RBP3: variants seen among roughly 807,000 people sequenced by gnomAD.
RBP3 encodes the protein retinol-binding protein 3.
RBP3 carries 50 observed loss-of-function variants against 64.8 expected under a neutral mutation model. The observed-to-expected ratio is 0.77, with a 90% CI of 0.61 to 0.98. RBP3 has a LOEUF of 0.98. Ranked by LOEUF, RBP3 falls within the 50% of genes least tolerant of loss-of-function variation. The pLI, the probability that RBP3 is intolerant of heterozygous loss-of-function variation, is 0.00. For synonymous variants in RBP3, 828 were observed against 730.2 expected (o/e 1.13, Z -2.16); for missense variants, 1,712 against 1,660.5 (o/e 1.03, Z -0.54).
chr10:47,355,560 G>A (rs1555211931), intron 3 of RBP3, 42 bp downstream of exon 3: 4 of 1,613,750 alleles, frequency 2.5e-6, no homozygotes, highest in East Asian at 2.2e-5. Flanking sequence ...CATTCTAGAA[G>A]CTTCTGGGAA....
chr10:47,350,149 T>C lies in RBP3; in HGVS notation c.1665T>C (p.Leu555=), dbSNP rs1555211274. ...CGGCCGCGGAGGAGTTCGCCTTCCT[T>C]ATGCAGTCGCTGGGCTGGGCCACAC... ...TATAAEEFAF[L]MQSLGWATLV... is the part of the protein sequence containing the mutation. The change falls in exon 1 of 4, where the codon CTT becomes CTC. Residue 555 remains leucine (L), a synonymous_variant. Transcript: ENST00000584701. 2.5e-6 allele frequency: 4 copies of C among 1,612,770 alleles called. No homozygotes were observed. In the South Asian group the frequency reaches 4.4e-5, roughly 18 times the overall value.
Position 47,350,348 on chromosome 10 carries a change from G to A in RBP3, c.1864G>A (p.Ala622Thr), listed in dbSNP as rs1565765941. 6.2e-7 allele frequency: 1 copy of A among 1,612,194 alleles called. No homozygotes were observed. Among genetic ancestry groups the A allele is most frequent in the Admixed American group, 1.7e-5 (1 of 60,026 alleles). The change falls in exon 1 of 4, where the codon GCC becomes ACC. Residue 622 changes from alanine to threonine, a missense_variant. Physicochemically the swap from Ala to Thr is moderately conservative, Grantham distance 58. Coordinates refer to ENST00000584701, the MANE Select transcript of RBP3 (RefSeq NM_002900.3). ...CGATGCCATCGTGCTGGCCGAGGAGGCCCTGGACAAAGCCCAGGAAGTGCT... is the reference window on the plus strand; with the variant it reads ...CGATGCCATCGTGCTGGCCGAGGAGACCCTGGACAAAGCCCAGGAAGTGCT... ...VPDAIVLAEE[A>T]LDKAQEVLEF...
At position 47,349,117 on chromosome 10, in the gene RBP3, G is replaced by T. The variant is rs1555210985; in HGVS notation, c.633G>T (p.Trp211Cys). 6.2e-7 allele frequency: 1 copy of T among 1,614,052 alleles called. No homozygotes were observed. Among genetic ancestry groups the T allele is most frequent in the Admixed American group, 1.7e-5 (1 of 60,034 alleles). Residue 211 changes from tryptophan (W) to cysteine (C), a missense_variant, in exon 1 of 4, where the codon TGG becomes TGT. Transcript: ENST00000584701. ...CCTCCAACACCACCACGGAGATCTG[G>T]ACCTTGCCCCAGGTCCTGGGAGAAA... ...NRPSNTTTEI[W>C]TLPQVLGERY...
chr10:47,349,222 T>C lies in RBP3; in HGVS notation c.738T>C (p.Leu246=). Residue 246 remains leucine, a synonymous_variant, in exon 1 of 4, where the codon CTT becomes CTC. Coordinates refer to ENST00000584701, the MANE Select transcript of RBP3 (RefSeq NM_002900.3). ...TGGCCGAGGACATCGCGCACATCCT[T>C]AAGCAGATGCGCAGGGCCATCGTGG... The part of the protein sequence containing the change: ...RGVAEDIAHI[L]KQMRRAIVVG... 6.2e-7 allele frequency: 1 copy of C among 1,613,424 alleles called. No individual in the cohort carries two copies. Among genetic ancestry groups the C allele is most frequent in the Non-Finnish European group, 8.5e-7 (1 of 1,180,012 alleles).
chr10:47,349,148 G>C lies in RBP3; in HGVS notation c.664G>C (p.Gly222Arg). 1 of 1,613,946 alleles carries C rather than the reference G, an allele frequency of 6.2e-7. No individual in the cohort carries two copies. Among genetic ancestry groups the C allele is most frequent in the Non-Finnish European group, 8.5e-7 (1 of 1,180,034 alleles). Reference sequence around the variant, plus strand: ...GCCCCAGGTCCTGGGAGAAAGGTACGGTGCCGACAAGGATGTGGTGGTCCT... The same window carrying C: ...GCCCCAGGTCCTGGGAGAAAGGTACCGTGCCGACAAGGATGTGGTGGTCCT... ...TLPQVLGERY[G>R]ADKDVVVLTS... Residue 222 changes from glycine (G) to arginine (R), a missense_variant, in exon 1 of 4, where the codon GGT becomes CGT. Transcript: ENST00000584701.
rs139452142 is a variant in RBP3, at chr10:47,350,260, C to T, written c.1776C>T (p.Thr592=). Residue 592 remains threonine (T), a synonymous_variant, in exon 1 of 4, where the codon ACC becomes ACT. Coordinates refer to ENST00000584701, the MANE Select transcript of RBP3 (RefSeq NM_002900.3). ...LDTPEGSLAL[T]VPVLTFIDNH... is the part of the protein sequence containing the mutation. The stretch of plus-strand genomic sequence containing the variant: ...CACCCGAAGGCAGCCTCGCGCTCAC[C>T]GTGCCGGTCCTCACCTTCATCGACA... The T allele has an allele frequency of 1.4e-5, 22 of 1,607,324 alleles. 1 individual carries two copies. The Middle Eastern group carries it at 4.9e-4, about 36-fold the overall frequency.
intron 1 of RBP3, among the ~76,000 whole-genome samples, chr10:47,352,109 A>G (rs1555211649): frequency 1.3e-5 from 2 of 152,094 alleles, no homozygotes; most frequent in Non-Finnish European, 1.5e-5. Context: ...ATCCCTTGCA[A>G]GGAGGGTCTG....
intron 3 of RBP3, among the ~76,000 whole-genome samples, chr10:47,356,644 G>A (rs186714055): frequency 2.6e-5 from 4 of 152,324 alleles, no homozygotes; most frequent in Admixed American, 6.5e-5. Context: ...TGGCTACTAG[G>A]GAACCTAAAA....
At position 47,353,310 on chromosome 10, in the gene RBP3, C is replaced by A. The variant is rs1555211777; in HGVS notation, c.3055-15C>A. ...TGCTCCTCCTGACACTGAGTAGGAC[C>A]TCCAACTCTTACAGATCCCTTCCCC... is the stretch of plus-strand genomic sequence containing the variant. On this transcript the variant is annotated splice_polypyrimidine_tract_variant and intron_variant, in intron 1 of 3. Coordinates refer to ENST00000584701, the MANE Select transcript of RBP3 (RefSeq NM_002900.3). The A allele has an allele frequency of 6.2e-7, 1 of 1,613,072 alleles. No homozygotes were observed. Among genetic ancestry groups the A allele is most frequent in the Admixed American group, 1.7e-5 (1 of 60,020 alleles).
chr10:47,349,838 G>T lies in RBP3; in HGVS notation c.1354G>T (p.Val452Phe). 1 of 1,613,160 alleles carries T rather than the reference G, an allele frequency of 6.2e-7. No homozygotes were observed. Among genetic ancestry groups the T allele is most frequent in the Middle Eastern group, 1.6e-4 (1 of 6,062 alleles). ...LRFDSFADAS[V>F]LGVLAPYVLR... ...CTTCGATAGTTTTGCTGACGCCTCC[G>T]TCCTGGGTGTGTTGGCCCCATATGT... Residue 452 changes from valine to phenylalanine, a missense_variant, in exon 1 of 4, where the codon GTC (valine) becomes TTC (phenylalanine). By Grantham distance (50) the Val-to-Phe change is conservative (BLOSUM62 -1). Coordinates refer to ENST00000584701, the MANE Select transcript of RBP3 (RefSeq NM_002900.3).
Position 47,349,646 on chromosome 10 carries a change from C to T in RBP3, c.1162C>T (p.Arg388Ter), listed in dbSNP as rs782245537. Residue 388 changes from arginine to a stop codon, truncating the protein, a stop_gained, in exon 1 of 4, where the codon CGA becomes TGA. Coordinates refer to ENST00000584701, the MANE Select transcript of RBP3 (RefSeq NM_002900.3). LOFTEE classifies it high-confidence loss of function. ...AASEDPRLLV[R>*]AIGPTETPSW... is the part of the protein sequence containing the mutation. Reference sequence around the variant, plus strand: ...GTCTGAGGATCCCAGGCTCCTGGTGCGAGCCATCGGGCCCACAGAAACTCC... The same window carrying T: ...GTCTGAGGATCCCAGGCTCCTGGTGTGAGCCATCGGGCCCACAGAAACTCC... 9 of 1,612,296 alleles carry T rather than the reference C, an allele frequency of 5.6e-6. No homozygotes were observed. Among genetic ancestry groups the T allele is most frequent in the Non-Finnish European group, 3.4e-6 (4 of 1,180,016 alleles).
In RBP3 at chr10:47,349,646, C is replaced by G; in HGVS notation, c.1162C>G (p.Arg388Gly). 1 of 1,612,296 alleles carries G rather than the reference C, an allele frequency of 6.2e-7. No individual in the cohort carries two copies. The highest frequency in any genetic ancestry group is 8.5e-7 in the Non-Finnish European group (1 of 1,180,016). Residue 388 changes from arginine (R) to glycine (G), a missense_variant, in exon 1 of 4, where the codon CGA becomes GGA. Transcript: ENST00000584701. ...AASEDPRLLVRAIGPTETPSW... is the reference protein window; with the variant it reads ...AASEDPRLLVGAIGPTETPSW... ...GTCTGAGGATCCCAGGCTCCTGGTG[C>G]GAGCCATCGGGCCCACAGAAACTCC...
chr10:47,355,578 A>C, intron 3 of RBP3, 60 bp downstream of exon 3: 1 of 1,611,188 alleles, frequency 6.2e-7, no homozygotes, highest in Non-Finnish European at 8.5e-7. Flanking sequence ...GAAACCAGGG[A>C]AAGACAGCTT....
At position 47,350,160 on chromosome 10, in the gene RBP3, T is replaced by A. The variant is rs1555211284; in HGVS notation, c.1676T>A (p.Leu559Gln). The stretch of plus-strand genomic sequence containing the variant: ...GAGTTCGCCTTCCTTATGCAGTCGC[T>A]GGGCTGGGCCACACTGGTAGGTGAG... The part of the protein sequence containing the change: ...AEEFAFLMQS[L>Q]GWATLVGEIT... The change falls in exon 1 of 4, where the codon CTG becomes CAG. Residue 559 changes from leucine (L) to glutamine (Q), a missense_variant. By Grantham distance (113) the Leu-to-Gln change is moderately radical (BLOSUM62 -2). Coordinates refer to ENST00000584701, the MANE Select transcript of RBP3 (RefSeq NM_002900.3). 1 of 1,612,584 alleles carries A rather than the reference T, an allele frequency of 6.2e-7. No homozygotes were observed. Among genetic ancestry groups the A allele is most frequent in the South Asian group, 1.1e-5 (1 of 91,088 alleles).
Position 47,349,548 on chromosome 10 carries a change from C to A in RBP3, c.1064C>A (p.Ala355Asp), listed in dbSNP as rs782025482. The A allele has an allele frequency of 2.1e-5, 34 of 1,612,886 alleles. No individual in the cohort carries two copies. The highest frequency in any genetic ancestry group is 2.7e-5 in the African/African-American group (2 of 74,920). Residue 355 changes from alanine to aspartate, a missense_variant, in exon 1 of 4, where the codon GCC becomes GAC. Ala to Asp is a moderately radical substitution (Grantham distance 126). Transcript: ENST00000584701. ...DRVPTLLQHL[A>D]SMDFSTVVSE... Reference sequence around the variant, plus strand: ...GTGCCCACCCTGCTGCAGCACTTGGCCAGCATGGACTTCTCCACGGTGGTC... The same window carrying A: ...GTGCCCACCCTGCTGCAGCACTTGGACAGCATGGACTTCTCCACGGTGGTC...
Position 47,348,929 on chromosome 10 carries a change from G to T in RBP3, c.445G>T (p.Glu149Ter), listed in dbSNP as rs782463303. ...CCAGGAGGTGCTGAGCATGATGGGG[G>T]AGTTCCTGGTGGCCCACGTGTGGGG... Reference protein sequence around the residue: ...PGQEVLSMMGEFLVAHVWGNL... With the variant: ...PGQEVLSMMG The change falls in exon 1 of 4, where the codon GAG (glutamate) becomes TAG (stop). Residue 149 changes from glutamate (E) to a stop codon, truncating the protein, a stop_gained. Transcript: ENST00000584701. LOFTEE classifies it high-confidence loss of function. 6.2e-7 allele frequency: 1 copy of T among 1,613,864 alleles called. No individual in the cohort carries two copies. Among genetic ancestry groups the T allele is most frequent in the East Asian group, 2.2e-5 (1 of 44,864 alleles).
At position 47,351,313 on chromosome 10, in the gene RBP3, G is replaced by A. The variant is rs782218267; in HGVS notation, c.2829G>A (p.Thr943=). 2.0e-5 allele frequency: 32 copies of A among 1,613,420 alleles called. No homozygotes were observed. The highest frequency in any genetic ancestry group is 2.7e-5 in the African/African-American group (2 of 74,956). The change falls in exon 1 of 4, where the codon ACG becomes ACA. Residue 943 remains threonine (T), a synonymous_variant. Coordinates refer to ENST00000584701, the MANE Select transcript of RBP3 (RefSeq NM_002900.3). ...LRAKVPTVLQ[T]AGKLVADNYA... ...CCAAGGTGCCCACGGTGCTGCAGAC[G>A]GCCGGGAAGCTGGTGGCTGATAACT...
At position 47,356,255 on chromosome 10, in the gene RBP3, G is replaced by A. The variant is rs141771100; in HGVS notation, c.3388+737G>A. Among the ~76,000 whole-genome samples, 173 of 152,210 alleles carry A rather than the reference G, an allele frequency of 1.1e-3. 3 individuals carry two copies. The East Asian group carries it at 0.027, about 24-fold the overall frequency. ...TTTTGCTGTAGCTCCTAGGACATAC[G>A]TTCAATAATATTACAAGTGTAAATG... is the stretch of plus-strand genomic sequence containing the variant. On this transcript the variant is annotated intron_variant, in intron 3 of 3. Coordinates refer to ENST00000584701, the MANE Select transcript of RBP3 (RefSeq NM_002900.3).
rs1555211497 is a variant in RBP3 at position 47,351,053 on chromosome 10, C to T, written c.2569C>T (p.His857Tyr). The T allele has an allele frequency of 1.2e-6, 2 of 1,611,288 alleles. No individual in the cohort carries two copies. Among genetic ancestry groups the T allele is most frequent in the East Asian group, 2.2e-5 (1 of 44,874 alleles). Residue 857 changes from histidine to tyrosine, a missense_variant, in exon 1 of 4, where the codon CAC becomes TAC. Coordinates refer to ENST00000584701, the MANE Select transcript of RBP3 (RefSeq NM_002900.3). ...TSGSAAEAFA[H>Y]TMQDLQRATV... ...TGGCTCTGCGGCCGAGGCCTTTGCA[C>T]ACACCATGCAGGACCTGCAGCGGGC...
Sources: gnomAD v4.1 joint callset for allele counts (sites outside exome capture counted in the v4.1 genomes callset) on GRCh38, gnomAD v4.1.1 for gene constraint, MANE v1.5 for transcripts, NCBI Gene and HGNC (gene_info 2026-07-23, HGNC 2026-07-21) for gene names.